CRB1: variants seen among roughly 807,000 people sequenced by gnomAD.
The protein encoded by CRB1 is crumbs cell polarity complex component 1.
A neutral mutation model predicts 120.0 loss-of-function variants in CRB1; 83 were observed. That is an observed-to-expected ratio of 0.69 (90% CI 0.58 to 0.83). CRB1 has a LOEUF of 0.83. Among genes scored for constraint, CRB1 ranks in the 40% least tolerant of loss-of-function variants. The pLI is 0.00. For missense variants in CRB1, 1,699 were observed against 1,687.6 expected (o/e 1.01, Z -0.12); for synonymous variants, 625 against 612.5 (o/e 1.02, Z -0.30).
the CRB1 span, among the ~76,000 whole-genome samples, chr1:197,216,095 TAG>T: frequency 2.0e-5 from 3 of 152,210 alleles, no homozygotes; most frequent in Admixed American, 2.0e-4. Flanking sequence ...CTTCTGAATG[TAG>T]AGTTTCCTTT....
At chr1:197,240,675 A>G in the CRB1 span, among the ~76,000 whole-genome samples, 2 of 152,164 alleles carry the variant, frequency 1.3e-5, no homozygotes, top group Admixed American at 6.5e-5. Flanking sequence ...CAGTAAACAT[A>G]TGTGTGCATG....
intron 11 of CRB1, among the ~76,000 whole-genome samples, chr1:197,474,884 G>C (rs978612827): frequency 6.6e-6 from 1 of 152,044 alleles, no homozygotes. Context: ...GTGTTTTTCT[G>C]GTCAGATTTC....
chr1:197,417,275 A>G (rs1322088966), intron 5 of CRB1, among the ~76,000 whole-genome samples: 1 of 152,192 alleles, frequency 6.6e-6, no homozygotes, highest in African/African-American at 2.4e-5. Flanking sequence ...AAGATGAAAA[A>G]GCGTGATGAC....
the CRB1 span, among the ~76,000 whole-genome samples, chr1:197,215,275 ATT>A: frequency 8.9e-3 from 1,161 of 130,966 alleles, 14 homozygotes; most frequent in East Asian, 0.027. Context: ...CCAGTGGGAG[ATT>A]TTTTTTTTTT....
intron 5 of CRB1, among the ~76,000 whole-genome samples, chr1:197,375,488 G>T (rs1661595596): frequency 6.6e-6 from 1 of 152,088 alleles, no homozygotes; most frequent in South Asian, 2.1e-4. Flanking sequence ...CTGAGAGATG[G>T]CCTGGGTAGA....
intron 8 of CRB1, among the ~76,000 whole-genome samples, chr1:197,433,028 T>C (rs1176109461): frequency 6.8e-6 from 1 of 147,454 alleles, no homozygotes; most frequent in Non-Finnish European, 1.5e-5. Flanking sequence ...TGTAGATGCT[T>C]TTTTTTTTAA....
chr1:197,425,372 G>T (rs975814193), intron 6 of CRB1, among the ~76,000 whole-genome samples: 1 of 152,134 alleles, frequency 6.6e-6, no homozygotes, highest in Non-Finnish European at 1.5e-5. Context: ...TTATGCAGAA[G>T]ATCTTCAAAC....
At chr1:197,340,900 T>C (rs1016695684) in intron 2 of CRB1, among the ~76,000 whole-genome samples, 5 of 152,148 alleles carry the variant, frequency 3.3e-5, no homozygotes, top group African/African-American at 1.2e-4. Context: ...AAAGGTTTAA[T>C]TAACTCACAG....
At chr1:197,438,467 A>G (rs1665268339) in intron 9 of CRB1, 80 bp from the exon 10 acceptor site, 1 of 1,558,592 alleles carries the variant, frequency 6.4e-7, no homozygotes, top group South Asian at 1.1e-5. Flanking sequence ...CATTGACTAC[A>G]TACATGAATT....
intron 1 of CRB1, among the ~76,000 whole-genome samples, chr1:197,298,202 A>G (rs1219161668): frequency 6.6e-6 from 1 of 152,182 alleles, no homozygotes; most frequent in Non-Finnish European, 1.5e-5. Flanking sequence ...ATGGAAAATA[A>G]AGAGAGGCAA....
intron 5 of CRB1, among the ~76,000 whole-genome samples, chr1:197,400,013 A>T (rs1662979090): frequency 6.6e-6 from 1 of 152,106 alleles, no homozygotes; most frequent in African/African-American, 2.4e-5. Flanking sequence ...ACTCAAGGGG[A>T]GGGGCTTATC....
At chr1:197,423,225 T>C (rs1000295221) in intron 6 of CRB1, among the ~76,000 whole-genome samples, 5 of 152,292 alleles carry the variant, frequency 3.3e-5, no homozygotes, top group African/African-American at 9.6e-5. Context: ...ATACTGACCA[T>C]GGTGATGTTA....
chr1:197,461,931 T>C (rs1666549958), intron 11 of CRB1, among the ~76,000 whole-genome samples: 1 of 152,148 alleles, frequency 6.6e-6, no homozygotes, highest in Non-Finnish European at 1.5e-5. Context: ...GCATGTTGTT[T>C]GAATAGTTTT....
At chr1:197,272,041 G>A (rs1246247390) in intron 1 of CRB1, among the ~76,000 whole-genome samples, 2 of 152,044 alleles carry the variant, frequency 1.3e-5, no homozygotes, top group Non-Finnish European at 2.9e-5. Context: ...GATTTGAATG[G>A]CATTATTTTA....
chr1:197,229,223 A>G, the CRB1 span, among the ~76,000 whole-genome samples: 1 of 152,186 alleles, frequency 6.6e-6, no homozygotes, highest in African/African-American at 2.4e-5. Flanking sequence ...AGTAGCTCAA[A>G]CTGACAGAGA....
At chr1:197,257,800 C>T in the CRB1 span, among the ~76,000 whole-genome samples, 1 of 152,176 alleles carries the variant, frequency 6.6e-6, no homozygotes, top group Admixed American at 6.5e-5. Context: ...TATAAGCCCT[C>T]CACCTATTAC....
At chr1:197,455,488 T>C (rs946887163) in intron 11 of CRB1, among the ~76,000 whole-genome samples, 1 of 152,182 alleles carries the variant, frequency 6.6e-6, no homozygotes, top group Non-Finnish European at 1.5e-5. Flanking sequence ...ATTTAGTTTC[T>C]ACTAATTTTT....
chr1:197,417,975 TG>T, intron 5 of CRB1, among the ~76,000 whole-genome samples: 1 of 152,084 alleles, frequency 6.6e-6, no homozygotes, highest in South Asian at 2.1e-4. Context: ...CTTATTGCTT[TG>T]TTTTTTTTTT....
intron 1 of CRB1, among the ~76,000 whole-genome samples, chr1:197,275,151 T>A (rs2125207028): frequency 6.6e-6 from 1 of 152,114 alleles, no homozygotes; most frequent in South Asian, 2.1e-4. Flanking sequence ...CTATTCTTCT[T>A]ATAAGGACGT....
Sources: allele counts gnomAD v4.1 joint callset (sites outside exome capture counted in the v4.1 genomes callset), GRCh38; gene constraint gnomAD v4.1.1; transcripts MANE v1.5; gene names NCBI Gene and HGNC (gene_info 2026-07-23, HGNC 2026-07-21).